Variants in NEDD9 observed in about 807,000 individuals in gnomAD.
The protein encoded by NEDD9 is enhancer of filamentation 1.
In NEDD9, 26 loss-of-function variants were observed where a neutral mutation model predicts 76.6. The ratio of observed to expected loss-of-function variants is 0.34; its 90% CI spans 0.25 to 0.47. The LOEUF (loss-of-function observed/expected upper bound fraction) is 0.47. Ranked by LOEUF, NEDD9 falls within the 20% of genes least tolerant of loss-of-function variation. The pLI is 1.00. For missense variants in NEDD9, 937 were observed against 1,058.5 expected, an observed-to-expected ratio of 0.89 and a Z score of 1.59; for synonymous variants, 392 against 414.2, an observed-to-expected ratio of 0.95 and a Z score of 0.65.
intron 3 of NEDD9, among the ~76,000 whole-genome samples, chr6:11,262,848 T>G (rs1246181979): frequency 6.6e-6 from 1 of 152,216 alleles, no homozygotes; most frequent in South Asian, 2.1e-4. Context: ...ACAAATAAAA[T>G]CAGATGACAT....
At chr6:11,328,093 TA>T (rs1383739061) in intron 2 of NEDD9, among the ~76,000 whole-genome samples, 1 of 152,234 alleles carries the variant, frequency 6.6e-6, no homozygotes, top group Non-Finnish European at 1.5e-5. Context: ...TGGGTAGTAC[TA>T]GCATTCTAGT....
intron 1 of NEDD9, among the ~76,000 whole-genome samples, chr6:11,231,877 A>G (rs1297981126): frequency 6.6e-6 from 1 of 152,118 alleles, no homozygotes; most frequent in Non-Finnish European, 1.5e-5. Context: ...TCGCACTCTC[A>G]CCCCATTCAA....
At position 11,247,419 on chromosome 6, in the gene NEDD9, C is replaced by T. The variant is rs1025863704; in HGVS notation, c.13-33692G>A. Among the ~76,000 whole-genome samples, 5 of 152,110 alleles carry T rather than the reference C, an allele frequency of 3.3e-5. No individual in the cohort carries two copies. In the East Asian group the frequency reaches 5.8e-4, roughly 18 times the overall value. ...TAGGCGATCCACTATTTGACCCAAG[C>T]GATAGAAATTTGTTTTTATTGGGAC... On this transcript the variant is annotated intron_variant, in intron 3 of 3. Coordinates refer to the NEDD9 transcript ENST00000397378.
intron 3 of NEDD9, among the ~76,000 whole-genome samples, chr6:11,262,609 A>T (rs1283882259): frequency 6.6e-6 from 1 of 152,222 alleles, no homozygotes; most frequent in African/African-American, 2.4e-5. Context: ...GTGGCTCCAC[A>T]TTTCCAATTT....
chr6:11,339,067 T>C (rs779541856), intron 1 of NEDD9, among the ~76,000 whole-genome samples: 1 of 152,110 alleles, frequency 6.6e-6, no homozygotes, highest in South Asian at 2.1e-4. Context: ...ATAAGTCTCC[T>C]GTTTATCTTT....
intron 4 of NEDD9, among the ~76,000 whole-genome samples, chr6:11,191,833 A>G (rs1384508414): frequency 1.3e-5 from 2 of 152,052 alleles, no homozygotes; most frequent in African/African-American, 2.4e-5. Context: ...ATAGGGAGAC[A>G]CCGTCTCTAC....
At chr6:11,265,735 A>G (rs1760189023) in intron 3 of NEDD9, among the ~76,000 whole-genome samples, 1 of 152,232 alleles carries the variant, frequency 6.6e-6, no homozygotes, top group Admixed American at 6.5e-5. Flanking sequence ...CTGTATTTAC[A>G]TGTTTATCAC....
At chr6:11,272,780 A>C (rs990737466) in intron 3 of NEDD9, among the ~76,000 whole-genome samples, 7 of 152,164 alleles carry the variant, frequency 4.6e-5, no homozygotes, top group African/African-American at 1.7e-4. Flanking sequence ...CGCAGTTGGA[A>C]GCATCATTTC....
intron 2 of NEDD9, among the ~76,000 whole-genome samples, chr6:11,317,585 C>A (rs1761612392): frequency 6.6e-6 from 1 of 152,078 alleles, no homozygotes; most frequent in Non-Finnish European, 1.5e-5. Flanking sequence ...TATGCAGATT[C>A]TTGAGATCAG....
intron 2 of NEDD9, among the ~76,000 whole-genome samples, chr6:11,313,747 C>T (rs951353037): frequency 1.4e-4 from 22 of 152,096 alleles, no homozygotes; most frequent in African/African-American, 2.7e-4. Context: ...TCATTTGCGA[C>T]GGGAAGAGTA....
Position 11,185,427 on chromosome 6 carries a change from T to C in NEDD9, c.2240A>G (p.Lys747Arg). The stretch of plus-strand genomic sequence containing the variant: ...TTTGTGTGCACTGAGGATGACAAAC[T>C]TGCTGTGTGCCACGAAGATTCGCGG... ...QPPRIFVAHS[K>R]FVILSAHKLV... Residue 747 changes from lysine (K) to arginine (R), a missense_variant, in exon 7 of 7, where the codon AAG becomes AGG. Physicochemically the swap from Lys to Arg is conservative, Grantham distance 26 (BLOSUM62 2). Transcript: ENST00000379446. 1.2e-6 allele frequency: 2 copies of C among 1,614,240 alleles called. No homozygotes were observed. Among genetic ancestry groups the C allele is most frequent in the Non-Finnish European group, 1.7e-6 (2 of 1,180,044 alleles).
At chr6:11,191,660 A>G (rs1010863216) in intron 4 of NEDD9, among the ~76,000 whole-genome samples, 6 of 152,152 alleles carry the variant, frequency 3.9e-5, no homozygotes, top group African/African-American at 1.4e-4. Context: ...CATACCCCAT[A>G]GGGTAACAGA....
intron 1 of NEDD9, among the ~76,000 whole-genome samples, chr6:11,347,466 C>T (rs2113530271): frequency 6.6e-6 from 1 of 152,138 alleles, no homozygotes; most frequent in Admixed American, 6.5e-5. Flanking sequence ...AGAGACACAA[C>T]AAGAAAAACA....
chr6:11,192,932 C>CA (rs71550759), intron 3 of NEDD9, among the ~76,000 whole-genome samples: 8,593 of 28,112 alleles, frequency 0.31, 3,030 homozygotes, highest in African/African-American at 0.37. Context: ...GACTCTGTCT[C>CA]AAAAAAAAAA....
chr6:11,319,721 C>G (rs1245015157), intron 2 of NEDD9, among the ~76,000 whole-genome samples: 4 of 138,892 alleles, frequency 2.9e-5, no homozygotes, highest in Non-Finnish European at 6.1e-5. Flanking sequence ...CAAACATGCA[C>G]ACTCACACAC....
intron 3 of NEDD9, among the ~76,000 whole-genome samples, chr6:11,275,347 A>G (rs947189005): frequency 2.0e-5 from 3 of 152,190 alleles, no homozygotes; most frequent in Non-Finnish European, 2.9e-5. Context: ...CATGGTGACT[A>G]TAGTTAATAG....
chr6:11,368,397 A>G (rs1390545716), intron 1 of NEDD9, among the ~76,000 whole-genome samples: 1 of 152,234 alleles, frequency 6.6e-6, no homozygotes, highest in Non-Finnish European at 1.5e-5. Flanking sequence ...CTATTCCTGA[A>G]TGAGTCACAC....
chr6:11,299,372 C>T (rs1186689864), intron 3 of NEDD9, among the ~76,000 whole-genome samples: 2 of 152,230 alleles, frequency 1.3e-5, no homozygotes, highest in East Asian at 1.9e-4. Context: ...GGGCAGAGCC[C>T]ACCACAGCTC....
chr6:11,361,916 G>T (rs1762687276), intron 1 of NEDD9, among the ~76,000 whole-genome samples: 1 of 152,160 alleles, frequency 6.6e-6, no homozygotes, highest in Non-Finnish European at 1.5e-5. Flanking sequence ...AGAAAAAGAA[G>T]AAATTAGTCT....
Sources: allele counts gnomAD v4.1 joint callset (sites outside exome capture counted in the v4.1 genomes callset), GRCh38; gene constraint gnomAD v4.1.1; transcripts MANE v1.5; gene names NCBI Gene and HGNC (gene_info 2026-07-23, HGNC 2026-07-21).